Variants in ABL2 observed in about 807,000 individuals in gnomAD.
ABL2 encodes the protein ABL proto-oncogene 2, non-receptor tyrosine kinase, also known as tyrosine-protein kinase ABL2.
In ABL2, 49 loss-of-function variants were observed where a neutral mutation model predicts 107.7. That is an observed-to-expected ratio of 0.45 (90% CI 0.36 to 0.58). The LOEUF (loss-of-function observed/expected upper bound fraction) is 0.58, where lower values mean the gene tolerates loss of function less well. ABL2 is among the 20% of genes least tolerant of loss of function. The probability of loss-of-function intolerance (pLI) is 0.00; values close to 1 mark genes in which losing one functional copy is unlikely to be tolerated. For synonymous variants in ABL2, 549 were observed against 548.6 expected (o/e 1.00, Z -0.01); for missense variants, 1,245 against 1,457.0 (o/e 0.85, Z 2.37).
chr1:179,221,998 TTTTC>T (rs2124862581), intron 1 of ABL2: 1 of 211,210 alleles, frequency 4.7e-6, no homozygotes, highest in Non-Finnish European at 1.1e-5. Flanking sequence ...GACACGAATC[TTTTC>T]TTTCTATATA....
chr1:179,155,746 A>C (rs1308444747), intron 1 of ABL2, among the ~76,000 whole-genome samples: 1 of 151,992 alleles, frequency 6.6e-6, no homozygotes, highest in African/African-American at 2.4e-5. Context: ...AAAAAAAAAA[A>C]AAAAAATTAT....
intron 1 of ABL2, among the ~76,000 whole-genome samples, chr1:179,177,332 C>CT (rs1371201539): frequency 3.3e-5 from 5 of 152,222 alleles, no homozygotes; most frequent in African/African-American, 1.2e-4. Context: ...CCCAGCCCTT[C>CT]TGGCCTCTGC....
chr1:179,189,967 T>C (rs1660903735), intron 1 of ABL2, among the ~76,000 whole-genome samples: 1 of 152,092 alleles, frequency 6.6e-6, no homozygotes, highest in Non-Finnish European at 1.5e-5. Flanking sequence ...ATTACAGGCA[T>C]GCACCACCAT....
chr1:179,201,558 T>C, intron 1 of ABL2: 2 of 343,428 alleles, frequency 5.8e-6, no homozygotes, highest in Non-Finnish European at 1.1e-5. Context: ...TGGAACAGAA[T>C]CTGGCATGCC....
intron 1 of ABL2, among the ~76,000 whole-genome samples, chr1:179,163,161 C>T (rs1293471293): frequency 6.6e-6 from 1 of 152,092 alleles, no homozygotes; most frequent in Non-Finnish European, 1.5e-5. Flanking sequence ...TAAGAAAATA[C>T]AAATTAAAAC....
At chr1:179,178,293 G>C (rs1257177333) in intron 1 of ABL2, among the ~76,000 whole-genome samples, 1 of 150,332 alleles carries the variant, frequency 6.7e-6, no homozygotes, top group Admixed American at 6.8e-5. Flanking sequence ...AGCTACTTGA[G>C]AGGCTAAGGT....
intron 6 of ABL2, among the ~76,000 whole-genome samples, chr1:179,119,538 C>T (rs796587668): frequency 1.5e-4 from 22 of 150,682 alleles, no homozygotes; most frequent in Non-Finnish European, 3.0e-4. Flanking sequence ...AAAACACCCC[C>T]CACACCCCCC....
chr1:179,201,843 G>A (rs1661687061), intron 1 of ABL2: 5 of 1,264,728 alleles, frequency 4.0e-6, no homozygotes, highest in Non-Finnish European at 5.3e-6. Context: ...GACAGAAGAA[G>A]ACAAAAGGAC....
intron 2 of ABL2, among the ~76,000 whole-genome samples, chr1:179,132,821 C>T (rs1424472234): frequency 6.6e-6 from 1 of 151,340 alleles, no homozygotes; most frequent in Non-Finnish European, 1.5e-5. Flanking sequence ...GGATTACAGG[C>T]GTGAGCCACC....
chr1:179,127,959 C>T (rs369120451), intron 3 of ABL2, among the ~76,000 whole-genome samples: 9 of 150,176 alleles, frequency 6.0e-5, no homozygotes, highest in Admixed American at 3.4e-4. Flanking sequence ...TGCTTGAACC[C>T]GGGAGGCTGA....
At chr1:179,192,863 T>C (rs1661095129) in intron 1 of ABL2, among the ~76,000 whole-genome samples, 1 of 152,198 alleles carries the variant, frequency 6.6e-6, no homozygotes, top group Non-Finnish European at 1.5e-5. Flanking sequence ...GTACAGAACT[T>C]TTCACGTATT....
intron 1 of ABL2, among the ~76,000 whole-genome samples, chr1:179,203,825 G>C (rs564198505): frequency 6.6e-6 from 1 of 152,286 alleles, no homozygotes; most frequent in South Asian, 2.1e-4. Context: ...GGTTAAGGCA[G>C]TACACTTGAG....
chr1:179,133,669 T>C (rs1365579846), intron 1 of ABL2, among the ~76,000 whole-genome samples: 4 of 152,186 alleles, frequency 2.6e-5, no homozygotes, highest in East Asian at 1.9e-4. Flanking sequence ...CTCCAATATA[T>C]AGTAGTCCCC....
At chr1:179,222,244 T>G (rs1662911919) in intron 1 of ABL2, 1 of 152,396 alleles carries the variant, frequency 6.6e-6, no homozygotes. Context: ...TTTTTTTTCT[T>G]TTGAGACAGA....
intron 1 of ABL2, among the ~76,000 whole-genome samples, chr1:179,139,165 A>G (rs1187722316): frequency 6.6e-6 from 1 of 152,198 alleles, no homozygotes. Flanking sequence ...CGCTCTTTGC[A>G]ATAAATCTTG....
At chr1:179,133,749 C>T (rs1253480887) in intron 1 of ABL2, among the ~76,000 whole-genome samples, 1 of 152,150 alleles carries the variant, frequency 6.6e-6, no homozygotes, top group Non-Finnish European at 1.5e-5. Context: ...GTACCAAATC[C>T]ACTATATACT....
intron 1 of ABL2, among the ~76,000 whole-genome samples, chr1:179,135,149 C>A (rs1656747901): frequency 6.6e-6 from 1 of 152,022 alleles, no homozygotes; most frequent in Non-Finnish European, 1.5e-5. Flanking sequence ...GCCCGGCCGC[C>A]ACCCCGTCTG....
chr1:179,140,523 T>G (rs554467570), intron 1 of ABL2, among the ~76,000 whole-genome samples: 1 of 152,206 alleles, frequency 6.6e-6, no homozygotes, highest in Non-Finnish European at 1.5e-5. Flanking sequence ...TGCTAAAATG[T>G]AAGTTTTATG....
chr1:179,223,820 C>G (rs1335858620), intron 1 of ABL2, among the ~76,000 whole-genome samples: 1 of 151,900 alleles, frequency 6.6e-6, no homozygotes, highest in Non-Finnish European at 1.5e-5. Context: ...AGCCTTCATT[C>G]CACAAAGATT....
Sources: gnomAD v4.1 joint callset for allele counts (sites outside exome capture counted in the v4.1 genomes callset) on GRCh38, gnomAD v4.1.1 for gene constraint, MANE v1.5 for transcripts, NCBI Gene and HGNC (gene_info 2026-07-23, HGNC 2026-07-21) for gene names.